F8: variants seen among roughly 807,000 people sequenced by gnomAD.
F8 encodes coagulation factor VIII.
F8 carries 12 observed loss-of-function variants against 140.6 expected under a neutral mutation model. That is an observed-to-expected ratio of 0.09 (90% CI 0.05 to 0.14). F8 has a LOEUF of 0.14. Ranked by LOEUF, F8 falls within the 10% of genes least tolerant of loss-of-function variation. The pLI is 1.00. For missense variants in F8, 1,354 were observed against 1,720.7 expected (o/e 0.79, Z 3.77); for synonymous variants, 585 against 614.6 (o/e 0.95, Z 0.71).
chrX:155,002,312 T>A lies in F8; in HGVS notation c.144-2712A>T, dbSNP rs782039503. Among the ~76,000 whole-genome samples the A allele has an allele frequency of 6.2e-5, 7 of 112,533 alleles. No individual in the cohort carries two copies. In the Admixed American group the frequency reaches 6.6e-4, roughly 11 times the overall value. On this transcript the variant is annotated intron_variant, in intron 1 of 25. Coordinates refer to ENST00000360256, the MANE Select transcript of F8 (RefSeq NM_000132.4). The stretch of plus-strand genomic sequence containing the variant: ...CATGGATATGATGGTTAATTTTATA[T>A]GTCAACTTGACTGGGCTAAGAGATG...
chrX:154,980,525 T>C (rs1448749450), intron 6 of F8, among the ~76,000 whole-genome samples: 5 of 112,288 alleles, frequency 4.5e-5, no homozygotes, highest in African/African-American at 1.6e-4. Context: ...TTTTGTTCAT[T>C]TGTTGAGGCT....
intron 25 of F8, 26 bp downstream of exon 25, chrX:154,860,406 C>G: frequency 8.3e-7 from 1 of 1,204,459 alleles, no homozygotes; most frequent in Non-Finnish European, 1.1e-6. Flanking sequence ...TTCTTTCTTT[C>G]TTTCTTTCCA....
intron 5 of F8, among the ~76,000 whole-genome samples, 180 bp downstream of exon 5, chrX:154,987,057 T>C (rs1050260440): frequency 8.9e-6 from 1 of 112,186 alleles, no homozygotes; most frequent in Non-Finnish European, 1.9e-5. Flanking sequence ...CTCTATCTTC[T>C]TACCTCATAG....
chrX:154,911,931 T>C (rs2073070757), intron 14 of F8, among the ~76,000 whole-genome samples: 1 of 112,556 alleles, frequency 8.9e-6, no homozygotes, highest in African/African-American at 3.2e-5. Flanking sequence ...TGCTTTTGGT[T>C]TGCATTTATC....
At chrX:154,921,432 G>A (rs1391617350) in intron 14 of F8, among the ~76,000 whole-genome samples, 6 of 111,917 alleles carry the variant, frequency 5.4e-5, no homozygotes, top group African/African-American at 2.0e-4. Flanking sequence ...CTGTTGGTGG[G>A]ACTGTAAACT....
intron 14 of F8, among the ~76,000 whole-genome samples, chrX:154,912,122 G>T (rs1161623970): frequency 3.6e-5 from 4 of 111,986 alleles, no homozygotes; most frequent in African/African-American, 1.3e-4. Flanking sequence ...TGTATAGTTT[G>T]CAAATATTTC....
rs140795389 is a variant in F8, at chrX:154,983,772, G to A, written c.787+915C>T. On this transcript the variant is annotated intron_variant, in intron 6 of 25. Transcript: ENST00000360256. ...CTGCTACAGCATGGTGCTGCTGCACGGCCATTCTGAATTTGCATGTCTTTG... is the reference window on the plus strand; with the variant it reads ...CTGCTACAGCATGGTGCTGCTGCACAGCCATTCTGAATTTGCATGTCTTTG... Among the ~76,000 whole-genome samples, 84 of 112,077 alleles carry A rather than the reference G, an allele frequency of 7.5e-4. 3 individuals carry two copies. The East Asian group carries it at 9.1e-3, about 12-fold the overall frequency.
intron 14 of F8, among the ~76,000 whole-genome samples, chrX:154,914,360 C>T (rs2073084322): frequency 8.9e-6 from 1 of 112,932 alleles, no homozygotes; most frequent in Admixed American, 9.3e-5. Context: ...TAACATTTGG[C>T]TCCTTGTTAA....
intron 25 of F8, among the ~76,000 whole-genome samples, chrX:154,859,422 C>A (rs1207175966): frequency 9.3e-6 from 1 of 107,948 alleles, no homozygotes; most frequent in Non-Finnish European, 1.9e-5. Flanking sequence ...CCTGTCTCAG[C>A]CTCCCGAGTA....
At chrX:154,912,239 T>G (rs1322846588) in intron 14 of F8, among the ~76,000 whole-genome samples, 2 of 112,343 alleles carry the variant, frequency 1.8e-5, no homozygotes, top group Non-Finnish European at 3.8e-5. Context: ...TTTAGTTGTC[T>G]GTGCTTTTGA....
chrX:155,018,632 A>T (rs1320125353), intron 1 of F8, among the ~76,000 whole-genome samples: 3 of 112,415 alleles, frequency 2.7e-5, no homozygotes, highest in South Asian at 7.3e-4. Context: ...AGGGCACATA[A>T]CTACAGATAA....
intron 18 of F8, among the ~76,000 whole-genome samples, chrX:154,903,063 T>C (rs1297555439): frequency 8.9e-6 from 1 of 112,378 alleles, no homozygotes; most frequent in Non-Finnish European, 1.9e-5. Flanking sequence ...ACTGTATTTG[T>C]GACATAAAGT....
intron 8 of F8, 38 bp downstream of exon 8, chrX:154,966,388 T>TG (rs1168486978): frequency 2.5e-6 from 3 of 1,204,935 alleles, no homozygotes; most frequent in East Asian, 5.9e-5. Context: ...TTTTTGAGTA[T>TG]GGGGAAGAGA....
At chrX:154,946,652 A>G (rs1412063554) in intron 13 of F8, among the ~76,000 whole-genome samples, 11 of 111,941 alleles carry the variant, frequency 9.8e-5, no homozygotes, top group African/African-American at 3.6e-4. Flanking sequence ...ATGCGCCAGG[A>G]CATTGGTCTG....
chrX:154,992,824 T>TA, intron 4 of F8, 112 bp downstream of exon 4: 3 of 706,083 alleles, frequency 4.2e-6, no homozygotes, highest in Non-Finnish European at 6.7e-6. Flanking sequence ...GATGCTAGAG[T>TA]AAAAAAGCCT....
At chrX:154,970,872 T>A (rs1366159635) in intron 6 of F8, among the ~76,000 whole-genome samples, 10 of 111,966 alleles carry the variant, frequency 8.9e-5, no homozygotes, top group Admixed American at 8.6e-4. Context: ...TGTATTATTA[T>A]GCTTATTTGA....
At chrX:154,979,387 T>C (rs2073504901) in intron 6 of F8, among the ~76,000 whole-genome samples, 2 of 111,246 alleles carry the variant, frequency 1.8e-5, no homozygotes, top group African/African-American at 3.3e-5. Flanking sequence ...CTGGATGATA[T>C]GCTTGGGTAC....
Position 154,860,458 on chromosome X carries a change from G to C in F8, c.6874C>G (p.Leu2292Val). 2.5e-6 allele frequency: 3 copies of C among 1,211,160 alleles called. No individual in the cohort carries two copies. The highest frequency in any genetic ancestry group is 3.4e-6 in the Non-Finnish European group (3 of 895,263). ...TTTACTTTGCCATTCTGAAAAAAGA[G>C]AGTCCACTGATGGCCATCTTGACTG... is the stretch of plus-strand genomic sequence containing the variant. ...SSSQDGHQWT[L>V]FFQNGKVKVF... The change falls in exon 25 of 26, where the codon CTC becomes GTC. Residue 2292 changes from leucine (L) to valine (V), a missense_variant. This residue lies in a region of F8 where 316 missense variants were observed against 485.4 expected (regional missense o/e 0.65). Coordinates refer to ENST00000360256, the MANE Select transcript of F8 (RefSeq NM_000132.4).
intron 6 of F8, 98 bp downstream of exon 6, chrX:154,984,589 A>G: frequency 3.2e-6 from 2 of 627,968 alleles, no homozygotes; most frequent in Non-Finnish European, 5.5e-6. Context: ...TCAGTGGGCT[A>G]TATCCTCTGA....
Sources: allele counts gnomAD v4.1 joint callset (sites outside exome capture counted in the v4.1 genomes callset), GRCh38; gene constraint gnomAD v4.1.1; regional missense constraint gnomAD v4.1.1; transcripts MANE v1.5; gene names NCBI Gene and HGNC (gene_info 2026-07-23, HGNC 2026-07-21).